Variants in UPF2 observed in about 807,000 individuals in gnomAD.
The protein encoded by UPF2 is regulator of nonsense transcripts 2.
In UPF2, 17 loss-of-function variants were observed where a neutral mutation model predicts 141.4. The observed-to-expected ratio is 0.12, with a 90% CI of 0.08 to 0.18. UPF2 has a LOEUF of 0.18. Among genes scored for constraint, UPF2 ranks in the 10% least tolerant of loss-of-function variants. The pLI is 1.00. For missense variants in UPF2, 1,152 were observed against 1,515.9 expected, an observed-to-expected ratio of 0.76 and a Z score of 3.99; for synonymous variants, 540 against 498.0, an observed-to-expected ratio of 1.08 and a Z score of -1.12.
rs1009030226 is a variant in UPF2, at chr10:11,959,431, T to C, written c.2185-75A>G. On this transcript the variant is annotated intron_variant, in intron 11 of 21. Transcript: ENST00000357604. This position sits in a 1 kb window ranked among gnomAD's most constrained non-coding sequence, Gnocchi z 5.9. ...TTTACTCCTAACTAAACTTCTATTC[T>C]CAGTGATTTGCTATTTCAAAGTAAT... The C allele has an allele frequency of 7.0e-7, 1 of 1,431,196 alleles. No homozygotes were observed. Among genetic ancestry groups the C allele is most frequent in the African/African-American group, 1.4e-5 (1 of 69,704 alleles). 88.7% of individuals were successfully genotyped at this position (1,431,196 alleles called of 1,614,324 possible). A position where few individuals can be genotyped will look rare whatever the true frequency, so the allele number is the denominator to read the frequency against.
Position 12,014,579 on chromosome 10 carries a change from C to T in UPF2, c.1146-395G>A, listed in dbSNP as rs542038786. On this transcript the variant is annotated intron_variant, in intron 3 of 21. Coordinates refer to ENST00000357604, the MANE Select transcript of UPF2 (RefSeq NM_015542.4). This position sits in a 1 kb window ranked among gnomAD's most constrained non-coding sequence, Gnocchi z 5.0. ...ATACAAAGAATCAATTATTCTTAAA[C>T]CTCCATGATTTGAATCAGAAATATC... Among the ~76,000 whole-genome samples, 3 of 152,230 alleles carry T rather than the reference C, an allele frequency of 2.0e-5. No individual in the cohort carries two copies. In the East Asian group the frequency reaches 5.8e-4, roughly 29 times the overall value.
chr10:11,974,835 A>C (rs1338490292), intron 9 of UPF2, among the ~76,000 whole-genome samples: 2 of 152,192 alleles, frequency 1.3e-5, no homozygotes, highest in African/African-American at 4.8e-5. Context: ...AGAGTGCATA[A>C]GACTATTTAT....
Position 11,953,854 on chromosome 10 carries a change from G to A in UPF2, c.2850+1378C>T, listed in dbSNP as rs553418820. On this transcript the variant is annotated intron_variant, in intron 14 of 21. Transcript: ENST00000357604. This position sits in a 1 kb window ranked among gnomAD's most constrained non-coding sequence, Gnocchi z 5.0. ...AGCGGTAGGAGCAAGCTAACAGACCGCAATTCCCGAAGAATATTTACCCCC... is the reference window on the plus strand; with the variant it reads ...AGCGGTAGGAGCAAGCTAACAGACCACAATTCCCGAAGAATATTTACCCCC... Among the ~76,000 whole-genome samples the A allele has an allele frequency of 4.6e-5, 7 of 152,248 alleles. No homozygotes were observed. The highest frequency in any genetic ancestry group is 2.1e-4 in the South Asian group (1 of 4,826).
chr10:11,990,765 G>T (rs1479361135), intron 8 of UPF2, among the ~76,000 whole-genome samples: 1 of 151,428 alleles, frequency 6.6e-6, no homozygotes, highest in East Asian at 2.0e-4. Context: ...GAGGCTGGCA[G>T]ATCACTAGGT....
intron 4 of UPF2, among the ~76,000 whole-genome samples, chr10:12,010,613 T>C (rs1834110527): frequency 6.6e-6 from 1 of 152,070 alleles, no homozygotes; most frequent in Admixed American, 6.6e-5. Flanking sequence ...CAACCTAAAA[T>C]ACTTGTAATT....
intron 15 of UPF2, among the ~76,000 whole-genome samples, chr10:11,949,666 C>G (rs978568326): frequency 2.0e-5 from 3 of 152,126 alleles, no homozygotes; most frequent in Non-Finnish European, 4.4e-5. Context: ...TGCATAGAAT[C>G]TTAGAGGATT....
rs772250401 is a variant in UPF2 at position 11,948,518 on chromosome 10, A to G, written c.3035-10T>C. The G allele has an allele frequency of 6.2e-7, 1 of 1,610,052 alleles. No individual in the cohort carries two copies. The highest frequency in any genetic ancestry group is 8.5e-7 in the Non-Finnish European group (1 of 1,179,330). On this transcript the variant is annotated splice_polypyrimidine_tract_variant and intron_variant, in intron 15 of 21. Transcript: ENST00000357604. The stretch of plus-strand genomic sequence containing the variant: ...TTGTCATTTACTAGGCCTTGAAATG[A>G]GAAGGTGGAAATGGAAAAATACATT...
intron 3 of UPF2, among the ~76,000 whole-genome samples, chr10:12,027,494 AAGTG>A (rs1311341077): frequency 1.3e-5 from 2 of 152,226 alleles, no homozygotes; most frequent in Non-Finnish European, 1.5e-5. Context: ...AGCCCTAAGT[AAGTG>A]AGAAGTATGA....
chr10:12,033,441 G>A (rs886837402), intron 2 of UPF2, among the ~76,000 whole-genome samples: 1 of 152,144 alleles, frequency 6.6e-6, no homozygotes, highest in African/African-American at 2.4e-5. Flanking sequence ...GATGTGGTGG[G>A]AGGATGGCTT....
chr10:11,922,891 A>G (rs904343196), intron 21 of UPF2, among the ~76,000 whole-genome samples: 12 of 152,132 alleles, frequency 7.9e-5, no homozygotes, highest in Admixed American at 1.3e-4. Flanking sequence ...AAAAAAAATT[A>G]GCCATTTGTA....
intron 8 of UPF2, among the ~76,000 whole-genome samples, chr10:11,986,499 G>A (rs1833694663): frequency 6.6e-6 from 1 of 152,104 alleles, no homozygotes; most frequent in Non-Finnish European, 1.5e-5. Flanking sequence ...CTTTCTAAAA[G>A]AAATGTCTAG....
chr10:11,995,782 A>G (rs547166495), intron 8 of UPF2, among the ~76,000 whole-genome samples: 1 of 135,496 alleles, frequency 7.4e-6, no homozygotes, highest in South Asian at 2.3e-4. Context: ...ACTCTGTATC[A>G]AAAAAAAAGA....
Position 11,936,449 on chromosome 10 carries a change from C to T in UPF2, c.3546+96G>A, listed in dbSNP as rs1194050203. The T allele has an allele frequency of 1.5e-6, 2 of 1,292,478 alleles. No homozygotes were observed. The highest frequency in any genetic ancestry group is 5.1e-5 in the East Asian group (2 of 39,308). 80.1% of individuals were successfully genotyped at this position (1,292,478 alleles called of 1,614,324 possible). On this transcript the variant is annotated intron_variant, in intron 19 of 21. Coordinates refer to ENST00000357604, the MANE Select transcript of UPF2 (RefSeq NM_015542.4). The surrounding 1 kb of genome is among the most constrained non-coding windows in gnomAD (Gnocchi z 6.6). ...TATTCTACCACTGAATGGTTTAAAACTGTCCAACCCTTATCCCCTTGTAGG... is the reference window on the plus strand; with the variant it reads ...TATTCTACCACTGAATGGTTTAAAATTGTCCAACCCTTATCCCCTTGTAGG...
At chr10:11,983,094 T>TAGG (rs1165441388) in intron 8 of UPF2, among the ~76,000 whole-genome samples, 1 of 152,222 alleles carries the variant, frequency 6.6e-6, no homozygotes, top group East Asian at 1.9e-4. Flanking sequence ...TATATACATT[T>TAGG]GTTAGATAAA....
chr10:12,032,839 A>G (rs958600721), intron 2 of UPF2, among the ~76,000 whole-genome samples: 1 of 152,106 alleles, frequency 6.6e-6, no homozygotes, highest in Admixed American at 6.6e-5. Context: ...TTCCTTATTA[A>G]AAGAGGTCCT....
intron 21 of UPF2, among the ~76,000 whole-genome samples, chr10:11,928,485 G>A (rs1051582965): frequency 3.4e-5 from 5 of 148,536 alleles, no homozygotes; most frequent in South Asian, 2.2e-4. Context: ...CGAGGCGGGC[G>A]GATCACGAGG....
chr10:12,027,434 G>A (rs1431279994), intron 3 of UPF2, among the ~76,000 whole-genome samples: 1 of 152,160 alleles, frequency 6.6e-6, no homozygotes, highest in Non-Finnish European at 1.5e-5. Context: ...TAGGTAGGAT[G>A]TACGAGCAAA....
chr10:11,945,189 G>A (rs979280327), intron 16 of UPF2, among the ~76,000 whole-genome samples: 1 of 152,192 alleles, frequency 6.6e-6, no homozygotes, highest in African/African-American at 2.4e-5. Context: ...TTAACTTATA[G>A]AGCTGACATT....
intron 8 of UPF2, among the ~76,000 whole-genome samples, chr10:11,989,899 A>C: frequency 6.6e-6 from 1 of 152,162 alleles, no homozygotes; most frequent in East Asian, 1.9e-4. Context: ...CCAAACCCAG[A>C]GGACTTCGAG....
Sources: gnomAD v4.1 joint callset for allele counts (sites outside exome capture counted in the v4.1 genomes callset) on GRCh38, gnomAD v4.1.1 for gene constraint, Gnocchi (gnomAD v3.1) non-coding constraint, MANE v1.5 for transcripts, NCBI Gene and HGNC (gene_info 2026-07-23, HGNC 2026-07-21) for gene names.